The following RIT2 variants were observed in gnomAD, a reference collection of about 807,000 sequenced individuals.
RIT2 encodes Ras like without CAAX 2.
RIT2 carries 24 observed loss-of-function variants against 23.7 expected under a neutral mutation model. The ratio of observed to expected loss-of-function variants is 1.01; its 90% CI spans 0.73 to 1.43. RIT2 has a LOEUF of 1.43. RIT2 is among the 40% of genes most tolerant of loss of function. The pLI is 0.00. For missense variants in RIT2, 236 were observed against 266.9 expected, an observed-to-expected ratio of 0.88 and a Z score of 0.81; for synonymous variants, 107 against 91.1, an observed-to-expected ratio of 1.17 and a Z score of -0.99.
At chr18:43,084,787 G>A (rs924761854) in intron 1 of RIT2, among the ~76,000 whole-genome samples, 2 of 152,238 alleles carry the variant, frequency 1.3e-5, no homozygotes, top group African/African-American at 4.8e-5. Flanking sequence ...TGCATGCAGG[G>A]CTTAAAACCT....
In RIT2 at chr18:42,743,230, G is replaced by A; in HGVS notation, c.*263C>T. ...AGCTAGACTCTTTAAAGGGAAATGA[G>A]GCAATTGGAATGTCAATTTTATTTA... On this transcript the variant is annotated 3_prime_UTR_variant, in exon 5 of 5. Coordinates refer to ENST00000326695, the MANE Select transcript of RIT2 (RefSeq NM_002930.4). The A allele has an allele frequency of 2.3e-6, 1 of 426,824 alleles. No homozygotes were observed. Among genetic ancestry groups the A allele is most frequent in the Non-Finnish European group, 4.2e-6 (1 of 237,216 alleles). The allele number at this position is 426,824 out of a possible 1,614,324, so 26.4% of individuals were successfully genotyped here.
intron 2 of RIT2, among the ~76,000 whole-genome samples, chr18:43,015,885 C>T (rs567018844): frequency 6.6e-6 from 1 of 151,872 alleles, no homozygotes; most frequent in East Asian, 1.9e-4. Context: ...TATATGGAAG[C>T]TTAAAGTAAA....
intron 4 of RIT2, among the ~76,000 whole-genome samples, chr18:42,918,998 A>G (rs575730701): frequency 1.3e-5 from 2 of 152,256 alleles, no homozygotes; most frequent in South Asian, 2.1e-4. Context: ...TATATTGTTC[A>G]ACATGTAATT....
chr18:42,967,536 AT>A (rs397940927), intron 3 of RIT2, among the ~76,000 whole-genome samples: 1,390 of 80,696 alleles, frequency 0.017, 20 homozygotes, highest in African/African-American at 0.048. Flanking sequence ...CGCCCGGCTA[AT>A]TTTTTTTTTT....
In RIT2 at chr18:43,084,990, T is replaced by C. The variant is rs147053160; in HGVS notation, c.103+30427A>G. On this transcript the variant is annotated intron_variant, in intron 1 of 4. Transcript: ENST00000326695. ...CCATGTGTGAGGAGCAGTGGGAGTATCTTATAGTTCTGTGGATGAAGCTGG... is the reference window on the plus strand; with the variant it reads ...CCATGTGTGAGGAGCAGTGGGAGTACCTTATAGTTCTGTGGATGAAGCTGG... 4.4e-3 allele frequency among the ~76,000 whole-genome samples: 662 copies of C among 152,098 alleles called. 6 individuals carry two copies. The highest frequency in any genetic ancestry group is 0.014 in the African/African-American group (576 of 41,496).
intron 1 of RIT2, among the ~76,000 whole-genome samples, chr18:43,106,608 C>G (rs948043978): frequency 4.6e-5 from 7 of 152,178 alleles, no homozygotes; most frequent in African/African-American, 1.7e-4. Context: ...TGCAACATCT[C>G]CAGGGAGGCC....
chr18:42,997,042 T>A (rs1353807381), intron 2 of RIT2, among the ~76,000 whole-genome samples: 1 of 152,160 alleles, frequency 6.6e-6, no homozygotes, highest in South Asian at 2.1e-4. Context: ...GGTCTCCATT[T>A]ACCTTTTCAC....
intron 4 of RIT2, among the ~76,000 whole-genome samples, chr18:42,813,094 A>G (rs1188185325): frequency 6.6e-6 from 1 of 152,208 alleles, no homozygotes; most frequent in Non-Finnish European, 1.5e-5. Context: ...AGAAGAATAG[A>G]ATTAGTTTTT....
Position 42,764,115 on chromosome 18 carries a change from A to G in RIT2, c.427-20395T>C, listed in dbSNP as rs531550522. 5.9e-5 allele frequency among the ~76,000 whole-genome samples: 9 copies of G among 152,336 alleles called. No homozygotes were observed. In the South Asian group the frequency reaches 1.9e-3, roughly 32 times the overall value. On this transcript the variant is annotated intron_variant, in intron 4 of 4. Coordinates refer to ENST00000326695, the MANE Select transcript of RIT2 (RefSeq NM_002930.4). ...TGATCAAATAAATAATGCTGCAGAGAAGATTAAACCAACAGAACTCAGAAA... is the reference window on the plus strand; with the variant it reads ...TGATCAAATAAATAATGCTGCAGAGGAGATTAAACCAACAGAACTCAGAAA...
At chr18:43,105,457 G>GGAGGAAGGGAGGAAGGGAGGAAGA (rs1913790891) in intron 1 of RIT2, among the ~76,000 whole-genome samples, 121 of 104,576 alleles carry the variant, frequency 1.2e-3, no homozygotes, top group Middle Eastern at 9.2e-3. Context: ...AAAAAGGAAG[G>GGAGGAAGGGAGGAAGGGAGGAAGA]GAGGAAGGGA....
intron 1 of RIT2, among the ~76,000 whole-genome samples, chr18:43,070,594 T>G (rs1397235467): frequency 1.3e-5 from 2 of 152,106 alleles, no homozygotes; most frequent in Non-Finnish European, 2.9e-5. Flanking sequence ...TTAACCAGAG[T>G]GAATGCAGTG....
chr18:42,780,808 T>A (rs1035392415), intron 4 of RIT2, among the ~76,000 whole-genome samples: 4 of 151,510 alleles, frequency 2.6e-5, no homozygotes, highest in Non-Finnish European at 5.9e-5. Context: ...TAGCCTGAAC[T>A]AGCTTTTCAG....
chr18:43,043,798 TCAAA>T (rs1166356798), intron 1 of RIT2, among the ~76,000 whole-genome samples: 1 of 151,614 alleles, frequency 6.6e-6, no homozygotes, highest in Non-Finnish European at 1.5e-5. Context: ...AAACTCCGTC[TCAAA>T]CAAACAAATA....
At chr18:42,963,814 T>C (rs1328405897) in intron 3 of RIT2, among the ~76,000 whole-genome samples, 3 of 152,052 alleles carry the variant, frequency 2.0e-5, no homozygotes, top group African/African-American at 7.2e-5. Flanking sequence ...GAGAATCACT[T>C]GAACCCAGGA....
chr18:42,845,461 G>C (rs1306469771), intron 4 of RIT2, among the ~76,000 whole-genome samples: 1 of 150,164 alleles, frequency 6.7e-6, no homozygotes, highest in Admixed American at 6.7e-5. Context: ...GAAAAATATA[G>C]ATTTATATAG....
At chr18:43,074,868 G>C (rs893671016) in intron 1 of RIT2, among the ~76,000 whole-genome samples, 1 of 152,174 alleles carries the variant, frequency 6.6e-6, no homozygotes, top group African/African-American at 2.4e-5. Context: ...GATGCAGGGA[G>C]GGGAACAACA....
intron 3 of RIT2, 97 bp downstream of exon 3, chr18:42,973,977 G>T (rs1001772823): frequency 1.4e-6 from 1 of 723,088 alleles, no homozygotes; most frequent in Non-Finnish European, 2.3e-6. Flanking sequence ...TTCTTCTTCT[G>T]CTTGAATAAA....
chr18:42,898,820 C>G (rs1305636198), intron 4 of RIT2, among the ~76,000 whole-genome samples: 1 of 152,112 alleles, frequency 6.6e-6, no homozygotes, highest in Non-Finnish European at 1.5e-5. Context: ...CAAAGAGTCT[C>G]TCAATTTAGA....
intron 4 of RIT2, among the ~76,000 whole-genome samples, chr18:42,825,495 C>T (rs563993266): frequency 3.3e-5 from 5 of 151,796 alleles, no homozygotes; most frequent in Admixed American, 6.6e-5. Context: ...TTAAAGTATA[C>T]ATTGTTTGAG....
Sources: gnomAD v4.1 joint callset for allele counts (sites outside exome capture counted in the v4.1 genomes callset) on GRCh38, gnomAD v4.1.1 for gene constraint, MANE v1.5 for transcripts, NCBI Gene and HGNC (gene_info 2026-07-23, HGNC 2026-07-21) for gene names.